The following SLC24A4 variants were observed in gnomAD, a reference collection of about 807,000 sequenced individuals.
SLC24A4 encodes the protein sodium/potassium/calcium exchanger 4.
Under a neutral mutation model 79.0 loss-of-function variants are expected in SLC24A4, and 53 were observed. The observed-to-expected ratio is 0.67, with a 90% confidence interval of 0.54 to 0.84. SLC24A4 has a LOEUF of 0.84. SLC24A4 is among the 40% of genes least tolerant of loss of function. The pLI is 0.00. For missense variants in SLC24A4, 731 were observed against 822.0 expected (o/e 0.89, Z 1.35); for synonymous variants, 323 against 323.8 (o/e 1.00, Z 0.03).
rs36185636 is a variant in SLC24A4 at position 92,474,863 on chromosome 14, A to ATATATATATATT, written c.1256-7816_1256-7815insATATATATATTT. Reference sequence around the variant, plus strand: ...TGTGTGTATATATATATATATATATATTTTTTTTTTTTTTAGTAGACACAG... The same window carrying ATATATATATATT: ...TGTGTGTATATATATATATATATATATATATATATATTTTTTTTTTTTTTTTAGTAGACACAG... On this transcript the variant is annotated intron_variant, in intron 12 of 16. Transcript: ENST00000532405. Among the ~76,000 whole-genome samples, 231 of 57,084 alleles carry ATATATATATATT rather than the reference A, an allele frequency of 4.0e-3. 18 individuals carry two copies. Among genetic ancestry groups the ATATATATATATT allele is most frequent in the East Asian group, 7.1e-3 (15 of 2,116 alleles). The allele number at this position is 57,084 out of a possible 152,430, so 37.4% of individuals were successfully genotyped here. A position where few individuals can be genotyped will look rare whatever the true frequency, so the allele number is the denominator to read the frequency against.
chr14:92,366,834 G>A (rs1262161473), intron 2 of SLC24A4, among the ~76,000 whole-genome samples: 1 of 152,160 alleles, frequency 6.6e-6, no homozygotes, highest in Admixed American at 6.5e-5. Flanking sequence ...CCTGGAATAG[G>A]CGGGGAAGGG....
intron 2 of SLC24A4, among the ~76,000 whole-genome samples, chr14:92,417,492 C>T (rs1044011025): frequency 1.1e-4 from 17 of 152,034 alleles, no homozygotes; most frequent in African/African-American, 3.9e-4. Context: ...TTACAGTAAG[C>T]GAAGGTTATT....
intron 2 of SLC24A4, among the ~76,000 whole-genome samples, chr14:92,326,701 T>C (rs766768488): frequency 2.6e-4 from 40 of 152,200 alleles, no homozygotes; most frequent in Non-Finnish European, 5.4e-4. Flanking sequence ...AGCACTTCTA[T>C]GCTTGAGCTC....
intron 2 of SLC24A4, among the ~76,000 whole-genome samples, chr14:92,414,199 G>T (rs970986086): frequency 2.6e-5 from 4 of 152,098 alleles, no homozygotes; most frequent in East Asian, 1.9e-4. Flanking sequence ...GTAGGGGGCT[G>T]TCCTGTGCTT....
At chr14:92,400,424 C>T (rs1487933800) in intron 2 of SLC24A4, among the ~76,000 whole-genome samples, 1 of 123,800 alleles carries the variant, frequency 8.1e-6, no homozygotes, top group Non-Finnish European at 1.6e-5. Flanking sequence ...GGCGACAGAG[C>T]GAGACTCCAT....
chr14:92,474,177 T>C (rs1477647277), intron 12 of SLC24A4, among the ~76,000 whole-genome samples: 2 of 152,118 alleles, frequency 1.3e-5, no homozygotes, highest in African/African-American at 2.4e-5. Context: ...TTGCTGCTAA[T>C]GAGCTTTTAG....
Position 92,495,699 on chromosome 14 carries a change from G to A in SLC24A4, c.*2071G>A, listed in dbSNP as rs961788100. 4 of 152,252 alleles carry A rather than the reference G, an allele frequency of 2.6e-5. No individual in the cohort carries two copies. Among genetic ancestry groups the A allele is most frequent in the Admixed American group, 2.0e-4 (3 of 15,278 alleles). The allele number at this position is 152,252 out of a possible 1,614,324, so 9.4% of individuals were successfully genotyped here. ...GAAAGTAGTGTCTTGGAGAGGTCAA[G>A]GGTCTCTAGTTCAATGGCCAGTCAT... On this transcript the variant is annotated 3_prime_UTR_variant, in exon 17 of 17. Transcript: ENST00000532405.
At position 92,493,779 on chromosome 14, in the gene SLC24A4, T is replaced by C; in HGVS notation, c.*151T>C. ...GAAGGAAGAGCCATCGTGGTCTTTGTCTGGCCACAGGCCAGGCTGCTGGGC... is the reference window on the plus strand; with the variant it reads ...GAAGGAAGAGCCATCGTGGTCTTTGCCTGGCCACAGGCCAGGCTGCTGGGC... On this transcript the variant is annotated 3_prime_UTR_variant, in exon 17 of 17. Coordinates refer to ENST00000532405, the MANE Select transcript of SLC24A4 (RefSeq NM_153646.4). The C allele has an allele frequency of 2.1e-6, 2 of 948,302 alleles. No individual in the cohort carries two copies. Among genetic ancestry groups the C allele is most frequent in the South Asian group, 1.7e-5 (1 of 57,846 alleles). 58.7% of individuals were successfully genotyped at this position (948,302 alleles called of 1,614,324 possible). A position where few individuals can be genotyped will look rare whatever the true frequency, so the allele number is the denominator to read the frequency against.
Position 92,435,064 on chromosome 14 carries a change from G to A in SLC24A4, c.318+1076G>A, listed in dbSNP as rs1892091207. On this transcript the variant is annotated intron_variant, in intron 3 of 16. Coordinates refer to ENST00000532405, the MANE Select transcript of SLC24A4 (RefSeq NM_153646.4). ...GCTGGGACTACAGGTGTGAGCCACCGTCCCCGGCCCACTTAAAGTATTTTA... is the reference window on the plus strand; with the variant it reads ...GCTGGGACTACAGGTGTGAGCCACCATCCCCGGCCCACTTAAAGTATTTTA... Among the ~76,000 whole-genome samples, 5 of 152,144 alleles carry A rather than the reference G, an allele frequency of 3.3e-5. No homozygotes were observed. In the South Asian group the frequency reaches 6.2e-4, roughly 19 times the overall value.
intron 2 of SLC24A4, among the ~76,000 whole-genome samples, chr14:92,416,081 C>T (rs1890965747): frequency 6.6e-6 from 1 of 151,894 alleles, no homozygotes; most frequent in African/African-American, 2.4e-5. Context: ...ACATCCCCAC[C>T]ACCCATTCCA....
At chr14:92,471,527 C>A (rs1252568097) in intron 12 of SLC24A4, among the ~76,000 whole-genome samples, 1 of 152,156 alleles carries the variant, frequency 6.6e-6, no homozygotes, top group Non-Finnish European at 1.5e-5. Context: ...GGCAGTGATT[C>A]TTGGCAGAAT....
At chr14:92,325,088 C>T (rs530310013) in intron 1 of SLC24A4, among the ~76,000 whole-genome samples, 4 of 151,628 alleles carry the variant, frequency 2.6e-5, no homozygotes, top group African/African-American at 9.6e-5. Context: ...TTTTTTCCCC[C>T]CTCAATTACA....
intron 2 of SLC24A4, among the ~76,000 whole-genome samples, chr14:92,393,520 C>T (rs1338938894): frequency 6.7e-6 from 1 of 150,080 alleles, no homozygotes; most frequent in Non-Finnish European, 1.5e-5. Flanking sequence ...GCCATGGTTT[C>T]CAGTTCCATC....
At chr14:92,472,407 C>A (rs1033795684) in intron 12 of SLC24A4, among the ~76,000 whole-genome samples, 1 of 152,132 alleles carries the variant, frequency 6.6e-6, no homozygotes, top group East Asian at 1.9e-4. Context: ...CCCTTCCCAC[C>A]CTTTCCCCCG....
intron 2 of SLC24A4, among the ~76,000 whole-genome samples, chr14:92,361,786 C>T (rs933985416): frequency 5.9e-5 from 9 of 151,944 alleles, no homozygotes; most frequent in African/African-American, 2.2e-4. Flanking sequence ...GTGTGGGGTC[C>T]GATGATGCAC....
chr14:92,324,086 C>A, intron 1 of SLC24A4, 126 bp downstream of exon 1: 1 of 1,308,500 alleles, frequency 7.6e-7, no homozygotes. Flanking sequence ...CATCCAGTCC[C>A]CTCCCCGCCG....
chr14:92,492,363 A>G (rs1895729848), intron 16 of SLC24A4, 123 bp downstream of exon 16: 1 of 886,836 alleles, frequency 1.1e-6, no homozygotes, highest in African/African-American at 1.7e-5. Context: ...GATAAAGGCA[A>G]GAAAATGTAG....
intron 2 of SLC24A4, among the ~76,000 whole-genome samples, chr14:92,352,106 A>G (rs573508677): frequency 4.6e-5 from 7 of 152,218 alleles, no homozygotes; most frequent in African/African-American, 1.7e-4. Flanking sequence ...GTAGGTGGCA[A>G]TGAAAAAGGG....
chr14:92,483,764 A>C, intron 13 of SLC24A4: 2 of 1,290,048 alleles, frequency 1.6e-6, no homozygotes, highest in Non-Finnish European at 1.0e-6. Context: ...GCATGGCTGC[A>C]GTTCTGTTGA....
Sources: gnomAD v4.1 joint callset for allele counts (sites outside exome capture counted in the v4.1 genomes callset) on GRCh38, gnomAD v4.1.1 for gene constraint, MANE v1.5 for transcripts, NCBI Gene and HGNC (gene_info 2026-07-23, HGNC 2026-07-21) for gene names.